HHAT: variants seen among roughly 807,000 people sequenced by gnomAD.
The protein encoded by HHAT is hedgehog acyltransferase.
A neutral mutation model predicts 70.8 loss-of-function variants in HHAT; 47 were observed. The observed-to-expected ratio is 0.66, with a 90% CI of 0.53 to 0.85. HHAT has a LOEUF of 0.85. Ranked by LOEUF, HHAT falls within the 40% of genes least tolerant of loss-of-function variation. The pLI is 0.00. For synonymous variants in HHAT, 228 were observed against 247.6 expected, an observed-to-expected ratio of 0.92 and a Z score of 0.74; for missense variants, 609 against 604.8, an observed-to-expected ratio of 1.01 and a Z score of -0.07.
Position 210,397,456 on chromosome 1 carries a change from T to G in HHAT, c.274-3012T>G, listed in dbSNP as rs17016094. 3.1e-3 allele frequency among the ~76,000 whole-genome samples: 462 copies of G among 150,112 alleles called. 4 individuals carry two copies. Among genetic ancestry groups the G allele is most frequent in the African/African-American group, 0.011 (429 of 39,620 alleles). On this transcript the variant is annotated intron_variant, in intron 4 of 11. Transcript: ENST00000261458. ...GTACAGTATGTGTGTGACCAAATCT[T>G]GTATGTCTGCTCTTATTACCCTGAG...
chr1:210,404,624 A>C lies in HHAT; in HGVS notation c.629A>C (p.Tyr210Ser), dbSNP rs774960950. ...SFPWMLAYVF[Y>S]YPVLHNGPIL... Reference sequence around the variant, plus strand: ...CCCTGGATGCTGGCCTATGTCTTTTATTATCCAGTCTTACACAATGGGCCC... The same window carrying C: ...CCCTGGATGCTGGCCTATGTCTTTTCTTATCCAGTCTTACACAATGGGCCC... Residue 210 changes from tyrosine to serine, a missense_variant, in exon 6 of 12, where the codon TAT (tyrosine) becomes TCT (serine). Physicochemically the swap from Tyr to Ser is moderately radical, Grantham distance 144 (BLOSUM62 -2). Coordinates refer to ENST00000261458, the MANE Select transcript of HHAT (RefSeq NM_018194.6). 6.2e-7 allele frequency: 1 copy of C among 1,613,994 alleles called. No homozygotes were observed. The highest frequency in any genetic ancestry group is 8.5e-7 in the Non-Finnish European group (1 of 1,180,006).
intron 11 of HHAT, among the ~76,000 whole-genome samples, chr1:210,648,146 T>C (rs944953924): frequency 6.6e-6 from 1 of 152,178 alleles, no homozygotes; most frequent in Non-Finnish European, 1.5e-5. Context: ...CCAAAGCCAC[T>C]TGCCTTTCCC....
At chr1:210,634,371 ACT>A (rs1420183529) in intron 11 of HHAT, among the ~76,000 whole-genome samples, 1 of 152,032 alleles carries the variant, frequency 6.6e-6, no homozygotes, top group East Asian at 1.9e-4. Flanking sequence ...AGATGGGACC[ACT>A]CTCATTTGTC....
intron 11 of HHAT, among the ~76,000 whole-genome samples, chr1:210,661,721 A>G (rs1408397550): frequency 6.6e-6 from 1 of 152,258 alleles, no homozygotes; most frequent in Non-Finnish European, 1.5e-5. Flanking sequence ...CTATGCAGCC[A>G]TAAAAAAGGA....
chr1:210,579,811 A>G (rs1658795807), intron 9 of HHAT, among the ~76,000 whole-genome samples: 1 of 152,094 alleles, frequency 6.6e-6, no homozygotes, highest in Admixed American at 6.5e-5. Context: ...AGACTCTCTC[A>G]GCCTCTCTTT....
Position 210,614,184 on chromosome 1 carries a change from T to C in HHAT, c.1246-9342T>C, listed in dbSNP as rs538228885. Among the ~76,000 whole-genome samples, 26 of 152,298 alleles carry C rather than the reference T, an allele frequency of 1.7e-4. 1 individual carries two copies. The South Asian group carries it at 5.4e-3, about 32-fold the overall frequency. On this transcript the variant is annotated intron_variant, in intron 10 of 11. Coordinates refer to ENST00000261458, the MANE Select transcript of HHAT (RefSeq NM_018194.6). ...TTATTCTTTTTGATGCCATTATAAA[T>C]AGAATTGCTTTCTTAATTTCCTTTT...
intron 8 of HHAT, among the ~76,000 whole-genome samples, chr1:210,504,926 G>T (rs372341048): frequency 4.2e-5 from 5 of 119,168 alleles, no homozygotes; most frequent in Admixed American, 9.7e-5. Flanking sequence ...TTTTTGAGAC[G>T]GAGTCTCGCT....
At chr1:210,400,763 G>T in intron 5 of HHAT, 101 bp downstream of exon 5, 1 of 1,087,372 alleles carries the variant, frequency 9.2e-7, no homozygotes, top group Non-Finnish European at 1.3e-6. Flanking sequence ...GATGATTGTA[G>T]AACTGTGATG....
At chr1:210,485,645 A>G (rs1382079551) in intron 8 of HHAT, among the ~76,000 whole-genome samples, 3 of 152,150 alleles carry the variant, frequency 2.0e-5, no homozygotes, top group Admixed American at 2.0e-4. Context: ...ATCATGGTGG[A>G]AGGTAAGGAG....
At chr1:210,522,121 A>G (rs544339105) in intron 9 of HHAT, among the ~76,000 whole-genome samples, 1 of 152,348 alleles carries the variant, frequency 6.6e-6, no homozygotes, top group South Asian at 2.1e-4. Flanking sequence ...ATAGTGATAT[A>G]AAAAGTGAAT....
At chr1:210,588,211 G>C in intron 10 of HHAT, 112 bp downstream of exon 10, 1 of 950,694 alleles carries the variant, frequency 1.1e-6, no homozygotes, top group South Asian at 1.7e-5. Context: ...TTTCTACTAG[G>C]TTGGTTCAAA....
At chr1:210,530,837 G>T (rs951183425) in intron 9 of HHAT, among the ~76,000 whole-genome samples, 5 of 151,872 alleles carry the variant, frequency 3.3e-5, no homozygotes, top group African/African-American at 4.8e-5. Context: ...TTCTTTTAGT[G>T]AATTCTCTGT....
intron 11 of HHAT, among the ~76,000 whole-genome samples, chr1:210,673,585 C>T (rs1558406676): frequency 1.1e-5 from 1 of 88,376 alleles, no homozygotes; most frequent in Admixed American, 1.5e-4. Context: ...AACGTGGATT[C>T]TTCTTTTTTT....
chr1:210,417,163 CA>C (rs1194053983), intron 6 of HHAT, among the ~76,000 whole-genome samples: 2 of 152,208 alleles, frequency 1.3e-5, no homozygotes, highest in Non-Finnish European at 2.9e-5. Flanking sequence ...AATGGAAAAA[CA>C]GCCCGAGTTT....
chr1:210,603,014 C>T (rs34308921), intron 10 of HHAT, among the ~76,000 whole-genome samples: 4,884 of 152,218 alleles, frequency 0.032, 275 homozygotes, highest in African/African-American at 0.11. Flanking sequence ...ATGACTGAGT[C>T]GGCTATCTGA....
chr1:210,544,593 G>A (rs931114902), intron 9 of HHAT, among the ~76,000 whole-genome samples: 3 of 151,728 alleles, frequency 2.0e-5, no homozygotes, highest in Non-Finnish European at 4.4e-5. Flanking sequence ...GGCTGGTCTC[G>A]AACTCCTGAC....
At chr1:210,334,344 A>G (rs2085288111) in intron 1 of HHAT, among the ~76,000 whole-genome samples, 1 of 151,166 alleles carries the variant, frequency 6.6e-6, no homozygotes, top group Non-Finnish European at 1.5e-5. Flanking sequence ...TTAGCAGAGA[A>G]GGGATTTCGC....
At chr1:210,482,570 C>T (rs545358398) in intron 8 of HHAT, among the ~76,000 whole-genome samples, 1 of 152,206 alleles carries the variant, frequency 6.6e-6, no homozygotes, top group South Asian at 2.1e-4. Context: ...GTGATCCCAG[C>T]CCTTGAAAGC....
intron 8 of HHAT, among the ~76,000 whole-genome samples, chr1:210,473,084 G>A (rs1053762349): frequency 6.6e-6 from 1 of 152,172 alleles, no homozygotes; most frequent in Non-Finnish European, 1.5e-5. Context: ...ACCTGGAAAG[G>A]GAAGGGGATT....
Sources: allele counts gnomAD v4.1 joint callset (sites outside exome capture counted in the v4.1 genomes callset), GRCh38; gene constraint gnomAD v4.1.1; transcripts MANE v1.5; gene names NCBI Gene and HGNC (gene_info 2026-07-23, HGNC 2026-07-21).